Variants in FXR1 observed in about 807,000 individuals in gnomAD.
The protein encoded by FXR1 is FMR1 autosomal homolog 1, also known as RNA-binding protein FXR1.
A neutral mutation model predicts 84.0 loss-of-function variants in FXR1; 15 were observed. The ratio of observed to expected loss-of-function variants is 0.18; its 90% CI spans 0.12 to 0.27. FXR1 has a LOEUF of 0.27. FXR1 is among the 10% of genes least tolerant of loss of function. The pLI is 1.00. For missense variants in FXR1, 480 were observed against 774.4 expected, an observed-to-expected ratio of 0.62 and a Z score of 4.51; for synonymous variants, 245 against 250.7, an observed-to-expected ratio of 0.98 and a Z score of 0.21.
At chr3:180,937,231 T>C (rs1720627242) in intron 3 of FXR1, among the ~76,000 whole-genome samples, 1 of 152,212 alleles carries the variant, frequency 6.6e-6, no homozygotes, top group Non-Finnish European at 1.5e-5. Context: ...TTTGGACATG[T>C]TCTAGAATTA....
chr3:180,926,630 A>T (rs539197893), intron 1 of FXR1, among the ~76,000 whole-genome samples: 23 of 151,014 alleles, frequency 1.5e-4, no homozygotes, highest in African/African-American at 4.9e-4. Flanking sequence ...TAAATCTTCG[A>T]TTTTTTGGTT....
intron 3 of FXR1, among the ~76,000 whole-genome samples, chr3:180,944,430 C>T (rs1173773548): frequency 2.6e-5 from 4 of 151,412 alleles, no homozygotes; most frequent in Non-Finnish European, 5.9e-5. Context: ...AAGTGATCCT[C>T]CTTCCTCAGC....
intron 8 of FXR1, among the ~76,000 whole-genome samples, chr3:180,952,262 G>GT (rs1276970678): frequency 2.0e-5 from 3 of 151,872 alleles, no homozygotes; most frequent in South Asian, 2.1e-4. Context: ...CTGGCCTGGA[G>GT]TTTTTTTTGA....
intron 13 of FXR1, among the ~76,000 whole-genome samples, chr3:180,965,264 C>G (rs533800150): frequency 3.9e-5 from 6 of 152,202 alleles, no homozygotes; most frequent in African/African-American, 1.4e-4. Context: ...GATCTGTCTA[C>G]CTCGCCTCCC....
chr3:180,962,285 A>C (rs981353867), intron 11 of FXR1, among the ~76,000 whole-genome samples: 1 of 152,126 alleles, frequency 6.6e-6, no homozygotes, highest in Non-Finnish European at 1.5e-5. Flanking sequence ...TTTTCTTTTG[A>C]AATTCATCTT....
In FXR1 at chr3:180,979,151, AAGG is replaced by A. The variant is rs1338593628; in HGVS notation, c.*2863_*2865del. 6.6e-6 allele frequency: 1 copy of A among 152,062 alleles called. No homozygotes were observed. The highest frequency in any genetic ancestry group is 1.5e-5 in the Non-Finnish European group (1 of 67,990). The allele number at this position is 152,062 out of a possible 1,614,324, so 9.4% of individuals were successfully genotyped here. A position where few individuals can be genotyped will look rare whatever the true frequency, so the allele number is the denominator to read the frequency against. On this transcript the variant is annotated 3_prime_UTR_variant, in exon 17 of 17. Transcript: ENST00000357559. ...AGCTGTGTCTAGCGTTTTGTAACCT[AAGG>A]AGGGTCTTATAGAAGTTGGTATGTT...
rs1722220779 is a variant in FXR1 at position 180,951,434 on chromosome 3, A to C, written c.767A>C (p.Asp256Ala). The C allele has an allele frequency of 6.2e-7, 1 of 1,613,540 alleles. No homozygotes were observed. The highest frequency in any genetic ancestry group is 1.3e-5 in the African/African-American group (1 of 74,920). ...CCTGGAGTTACCGCCATTGAGCTAG[A>C]TGAAGATACTGGAACATTCAGAATC... ...KVPGVTAIELDEDTGTFRIYG... is the reference protein window; with the variant it reads ...KVPGVTAIELAEDTGTFRIYG... Residue 256 changes from aspartate (D) to alanine (A), a missense_variant, in exon 8 of 17, where the codon GAT (aspartate) becomes GCT (alanine). Physicochemically the swap from Asp to Ala is moderately radical, Grantham distance 126 (BLOSUM62 -2). This residue lies in a region of FXR1 where 136 missense variants were observed against 315.4 expected (regional missense o/e 0.43). Transcript: ENST00000357559.
Position 180,981,643 on chromosome 3 carries a change from TGAG to T in FXR1, c.*5354_*5356del, listed in dbSNP as rs1381524459. On this transcript the variant is annotated 3_prime_UTR_variant, in exon 17 of 17. Coordinates refer to ENST00000357559, the MANE Select transcript of FXR1 (RefSeq NM_005087.4). ...ATAGGAATTCCCCACAAACTTCTAA[TGAG>T]GACTAATATGAACAGCAAATTGGAG... 6.6e-6 allele frequency: 1 copy of T among 152,042 alleles called. No individual in the cohort carries two copies. Among genetic ancestry groups the T allele is most frequent in the East Asian group, 1.9e-4 (1 of 5,190 alleles). The allele number at this position is 152,042 out of a possible 1,614,324, so 9.4% of individuals were successfully genotyped here.
intron 2 of FXR1, 68 bp downstream of exon 2, chr3:180,933,454 T>A (rs1449042437): frequency 1.2e-6 from 1 of 827,708 alleles, no homozygotes. Flanking sequence ...TGCTTTTGGG[T>A]GTTCCTACTG....
chr3:180,982,068 T>C lies in FXR1; in HGVS notation c.*5776T>C, dbSNP rs946455824. ...GTTATCAGAATTGTGAAGGCCATAG[T>C]ACAAAAAGTTAAGAGAACGGAACTC... is the stretch of plus-strand genomic sequence containing the variant. On this transcript the variant is annotated 3_prime_UTR_variant, in exon 17 of 17. Transcript: ENST00000357559. 1 of 152,166 alleles carries C rather than the reference T, an allele frequency of 6.6e-6. No homozygotes were observed. The highest frequency in any genetic ancestry group is 1.5e-5 in the Non-Finnish European group (1 of 67,938). The allele number at this position is 152,166 out of a possible 1,614,324, so 9.4% of individuals were successfully genotyped here.
At chr3:180,941,329 A>G (rs140078321) in intron 3 of FXR1, among the ~76,000 whole-genome samples, 2 of 151,940 alleles carry the variant, frequency 1.3e-5, no homozygotes, top group African/African-American at 4.8e-5. Flanking sequence ...AGTAGCTGGG[A>G]TCATAGGCGT....
intron 14 of FXR1, 182 bp downstream of exon 14, chr3:180,968,436 G>A (rs912685003): frequency 3.5e-6 from 2 of 564,680 alleles, no homozygotes; most frequent in African/African-American, 1.9e-5. Context: ...TCTCAGTGAA[G>A]GTTTACTTAG....
intron 3 of FXR1, among the ~76,000 whole-genome samples, chr3:180,937,534 T>A (rs774664281): frequency 6.6e-6 from 1 of 152,256 alleles, no homozygotes; most frequent in Non-Finnish European, 1.5e-5. Context: ...TTTCACGTTA[T>A]GTTTTATGAT....
chr3:180,974,327 C>G (rs1343739538), intron 15 of FXR1, among the ~76,000 whole-genome samples: 1 of 152,004 alleles, frequency 6.6e-6, no homozygotes, highest in East Asian at 1.9e-4. Context: ...CTGGCTAATT[C>G]TGACGGGGTT....
intron 14 of FXR1, among the ~76,000 whole-genome samples, chr3:180,968,668 C>T (rs977659620): frequency 3.3e-5 from 5 of 152,090 alleles, no homozygotes; most frequent in Admixed American, 3.3e-4. Context: ...AAGTGAAGAG[C>T]ATTCTTAGCT....
intron 9 of FXR1, among the ~76,000 whole-genome samples, chr3:180,956,108 A>C (rs1239777527): frequency 1.3e-5 from 2 of 152,218 alleles, no homozygotes; most frequent in African/African-American, 4.8e-5. Flanking sequence ...TGAGGATTAA[A>C]AGGGAATGAG....
At chr3:180,932,075 CAAAA>C (rs4042648) in intron 1 of FXR1, among the ~76,000 whole-genome samples, 1,308 of 79,164 alleles carry the variant, frequency 0.017, 32 homozygotes, top group African/African-American at 0.053. Flanking sequence ...TTGTAAGTTT[CAAAA>C]AAAAAAAAAA....
chr3:180,933,464 G>T, intron 2 of FXR1, 78 bp downstream of exon 2: 1 of 780,262 alleles, frequency 1.3e-6, no homozygotes, highest in Admixed American at 2.0e-5. Context: ...TGTTCCTACT[G>T]CCAGTGGAAA....
In FXR1 at chr3:180,917,055, C is replaced by G. The variant is rs143867854; in HGVS notation, c.51+4319C>G. ...TTCACCATGTTGGCCAGGATGTTCT[C>G]GATCTCCAGGATGGCCTCCATCTGT... is the stretch of plus-strand genomic sequence containing the variant. On this transcript the variant is annotated intron_variant, in intron 1 of 16. Transcript: ENST00000357559. 6.5e-4 allele frequency among the ~76,000 whole-genome samples: 99 copies of G among 151,966 alleles called. 1 individual carries two copies. Among genetic ancestry groups the G allele is most frequent in the Middle Eastern group, 3.5e-3 (1 of 286 alleles).
Sources: gnomAD v4.1 joint callset for allele counts (sites outside exome capture counted in the v4.1 genomes callset) on GRCh38, gnomAD v4.1.1 for gene constraint, gnomAD v4.1.1 regional missense constraint, MANE v1.5 for transcripts, NCBI Gene and HGNC (gene_info 2026-07-23, HGNC 2026-07-21) for gene names.